Variants in SF3B2 observed in about 807,000 individuals in gnomAD.
SF3B2 encodes the protein SAP 145.
Under a neutral mutation model 116.3 loss-of-function variants are expected in SF3B2, and 22 were observed. That is an observed-to-expected ratio of 0.19 (90% CI 0.14 to 0.27). The LOEUF is 0.27. SF3B2 is among the 10% of genes least tolerant of loss of function. SF3B2 has a pLI of 1.00. For synonymous variants in SF3B2, 406 were observed against 421.6 expected, an observed-to-expected ratio of 0.96 and a Z score of 0.45; for missense variants, 767 against 1,151.4, an observed-to-expected ratio of 0.67 and a Z score of 4.83.
chr11:66,060,881 C>T, intron 14 of SF3B2, 150 bp downstream of exon 14: 1 of 839,780 alleles, frequency 1.2e-6, no homozygotes, highest in East Asian at 2.6e-5. Flanking sequence ...CTCACTGTAA[C>T]CTCTGCCTTG....
intron 13 of SF3B2, 33 bp downstream of exon 13, chr11:66,060,042 G>A (rs574876040): frequency 7.0e-5 from 112 of 1,589,714 alleles, no homozygotes; most frequent in Non-Finnish European, 9.1e-5. Context: ...ACCTGCCCCC[G>A]GGTGTCCCCA....
intron 3 of SF3B2, among the ~76,000 whole-genome samples, chr11:66,054,710 C>T (rs576972473): frequency 6.6e-6 from 1 of 152,318 alleles, no homozygotes; most frequent in African/African-American, 2.4e-5. Flanking sequence ...TTTCCATGTT[C>T]CTTCTGATCC....
At chr11:66,067,761 CAG>C in intron 19 of SF3B2, 183 bp from the exon 20 acceptor site, 6 of 586,376 alleles carry the variant, frequency 1.0e-5, no homozygotes, top group African/African-American at 1.9e-5. Flanking sequence ...TCCCTGGAGT[CAG>C]CACTGTGCCA....
In SF3B2 at chr11:66,068,128, G is replaced by C. The variant is rs1274817248; in HGVS notation, c.2431-20G>C. The C allele has an allele frequency of 6.2e-7, 1 of 1,613,548 alleles. No individual in the cohort carries two copies. Among genetic ancestry groups the C allele is most frequent in the Non-Finnish European group, 8.5e-7 (1 of 1,179,850 alleles). On this transcript the variant is annotated intron_variant, in intron 20 of 21. Transcript: ENST00000322535. ...TTCTCTGACTCTTTGGAGATGACCA[G>C]GCCCTGATCTCCTTTCCAGGTTATG...
intron 3 of SF3B2, chr11:66,053,964 G>C (rs1039942108): frequency 3.4e-5 from 5 of 148,184 alleles, no homozygotes; most frequent in Non-Finnish European, 7.4e-5. Flanking sequence ...CAGGTGGATC[G>C]CCTGCGGTCA....
rs762428158 is a variant in SF3B2 at position 66,056,921 on chromosome 11, C to T, written c.633C>T (p.Gly211=). 4 of 1,613,950 alleles carry T rather than the reference C, an allele frequency of 2.5e-6. No individual in the cohort carries two copies. Among genetic ancestry groups the T allele is most frequent in the African/African-American group, 1.3e-5 (1 of 74,898 alleles). The part of the protein sequence containing the change: ...TPVPRPPQDM[G]QIGVRTPLGP... ...TCCCTCGGCCCCCACAAGACATGGG[C>T]CAGATTGGTGTGCGCACTCCTCTGG... The change falls in exon 6 of 22, where the codon GGC becomes GGT. Residue 211 remains glycine (G), a synonymous_variant. Transcript: ENST00000322535.
At position 66,058,871 on chromosome 11, in the gene SF3B2, C is replaced by T; in HGVS notation, c.1008C>T (p.Pro336=). 1 of 1,613,376 alleles carries T rather than the reference C, an allele frequency of 6.2e-7. No individual in the cohort carries two copies. Among genetic ancestry groups the T allele is most frequent in the Non-Finnish European group, 8.5e-7 (1 of 1,179,908 alleles). The part of the protein sequence containing the change: ...KRRNRKKKKK[P]QRVRGVSSES... ...GGAACCGAAAGAAGAAGAAAAAGCC[C>T]CAGCGGGTGCGAGGGGTGTCCTCTG... The change falls in exon 10 of 22, where the codon CCC becomes CCT. Residue 336 remains proline, a synonymous_variant. Coordinates refer to ENST00000322535, the MANE Select transcript of SF3B2 (RefSeq NM_006842.3).
At chr11:66,060,789 CTTTT>C (rs922292762) in intron 14 of SF3B2, 58 bp downstream of exon 14, 29 of 1,543,488 alleles carry the variant, frequency 1.9e-5, no homozygotes, top group Non-Finnish European at 2.5e-5. Flanking sequence ...CTGTCTAGGG[CTTTT>C]TTTTGTTTGT....
At chr11:66,053,172 T>C in intron 3 of SF3B2, 68 bp downstream of exon 3, 1 of 1,443,652 alleles carries the variant, frequency 6.9e-7, no homozygotes, top group Non-Finnish European at 9.7e-7. Flanking sequence ...AGCATGATGA[T>C]TGGGTGTTCA....
At chr11:66,056,454 T>C (rs976582157) in intron 5 of SF3B2, among the ~76,000 whole-genome samples, 14 of 150,226 alleles carry the variant, frequency 9.3e-5, no homozygotes, top group African/African-American at 3.4e-4. Context: ...TAAAGTACTG[T>C]CTTTGCCCAG....
Position 66,068,717 on chromosome 11 carries a change from G to C in SF3B2, c.2660G>C (p.Ser887Thr). The C allele has an allele frequency of 6.2e-7, 1 of 1,614,100 alleles. No individual in the cohort carries two copies. The highest frequency in any genetic ancestry group is 1.1e-5 in the South Asian group (1 of 91,082). ...CAGCCCCAGGACAGCCGTGGGGGCA[G>C]CAAGAAATATAAGGAGTTCAAGTTT... ...KAQPQDSRGG[S>T]KKYKEFKF is the part of the protein sequence containing the mutation. The change falls in exon 22 of 22, where the codon AGC becomes ACC. Residue 887 changes from serine to threonine, a missense_variant. Physicochemically the swap from Ser to Thr is moderately conservative, Grantham distance 58. Around this residue, in one of 4 missense-constraint regions of SF3B2, gnomAD observed 27 missense variants for 28.0 expected, o/e 0.96. Transcript: ENST00000322535.
intron 16 of SF3B2, among the ~76,000 whole-genome samples, chr11:66,062,224 T>TC (rs1857111069): frequency 2.0e-5 from 3 of 152,200 alleles, no homozygotes; most frequent in Admixed American, 6.5e-5. Flanking sequence ...CAGTCAGAAT[T>TC]GACAAGTACA....
intron 17 of SF3B2, 54 bp downstream of exon 17, chr11:66,063,170 T>C (rs371079904): frequency 2.2e-6 from 3 of 1,371,410 alleles, no homozygotes; most frequent in African/African-American, 2.9e-5. Context: ...GAAGGTTAGA[T>C]TGTTGGTTTA....
Position 66,052,428 on chromosome 11 carries a change from TGCC to T in SF3B2, c.54_56del (p.Pro21del). 1.2e-6 allele frequency: 2 copies of T among 1,613,074 alleles called. No individual in the cohort carries two copies. The highest frequency in any genetic ancestry group is 8.5e-7 in the Non-Finnish European group (1 of 1,179,818). ...GAGCCTCCCAAAGCAGAATTGCAGC[TGCC>T]GCCGCCGCCACCTCCAGGCCACTAT... On this transcript the variant is annotated inframe_deletion, in exon 1 of 22. Transcript: ENST00000322535.
chr11:66,055,716 A>G lies in SF3B2; in HGVS notation c.549+131A>G. 6.4e-6 allele frequency: 5 copies of G among 775,558 alleles called. No homozygotes were observed. In the South Asian group the frequency reaches 9.2e-5, roughly 14 times the overall value. 48.0% of individuals were successfully genotyped at this position (775,558 alleles called of 1,614,324 possible). A position where few individuals can be genotyped will look rare whatever the true frequency, so the allele number is the denominator to read the frequency against. ...CTCAACTAAGTTCTAGTATCTTCCA[A>G]AGCTTTCAATTTTTCTTGAAGTTCA... On this transcript the variant is annotated intron_variant, in intron 5 of 21. Transcript: ENST00000322535.
intron 3 of SF3B2, 51 bp downstream of exon 3, chr11:66,053,155 G>T (rs1412942543): frequency 6.5e-7 from 1 of 1,536,974 alleles, no homozygotes; most frequent in African/African-American, 1.4e-5. Context: ...TCCTTTTGTA[G>T]TTCATGAGCA....
intron 19 of SF3B2, among the ~76,000 whole-genome samples, chr11:66,064,205 T>C (rs1857142187): frequency 6.6e-6 from 1 of 152,242 alleles, no homozygotes; most frequent in African/African-American, 2.4e-5. Flanking sequence ...GACCCTCTCT[T>C]TATCCATTCT....
At chr11:66,063,770 T>C in intron 19 of SF3B2, 41 bp downstream of exon 19, 1 of 1,490,606 alleles carries the variant, frequency 6.7e-7, no homozygotes, top group Non-Finnish European at 9.1e-7. Context: ...GGACCTTCAC[T>C]TCCCTTTGGC....
At position 66,068,569 on chromosome 11, in the gene SF3B2, C is replaced by CCTTT. The variant is rs960680981; in HGVS notation, c.2617-103_2617-100dup. ...GCTCGAAGAGAATTCAGATTCAGCG[C>CCTTT]CTTTCCCACAGACTTCTATGTCTAT... On this transcript the variant is annotated intron_variant, in intron 21 of 21. Transcript: ENST00000322535. 47 of 1,034,410 alleles carry CCTTT rather than the reference C, an allele frequency of 4.5e-5. No homozygotes were observed. In the Admixed American group the frequency reaches 1.0e-3, roughly 23 times the overall value. The allele number at this position is 1,034,410 out of a possible 1,614,324, so 64.1% of individuals were successfully genotyped here.
Sources: allele counts gnomAD v4.1 joint callset (sites outside exome capture counted in the v4.1 genomes callset), GRCh38; gene constraint gnomAD v4.1.1; regional missense constraint gnomAD v4.1.1; transcripts MANE v1.5; gene names NCBI Gene and HGNC (gene_info 2026-07-23, HGNC 2026-07-21).